The following IKZF1 variants were observed in gnomAD, a reference collection of about 807,000 sequenced individuals.
IKZF1 encodes IKAROS family zinc finger 1, also known as DNA-binding protein Ikaros.
A neutral mutation model predicts 51.7 loss-of-function variants in IKZF1; 10 were observed. The observed-to-expected ratio is 0.19, with a 90% CI of 0.12 to 0.33. The LOEUF is 0.33. Ranked by LOEUF, IKZF1 falls within the 10% of genes least tolerant of loss-of-function variation. The pLI, the probability that IKZF1 is intolerant of heterozygous loss-of-function variation, is 1.00. For missense variants in IKZF1, 484 were observed against 707.5 expected, an observed-to-expected ratio of 0.68 and a Z score of 3.58; for synonymous variants, 280 against 282.3, an observed-to-expected ratio of 0.99 and a Z score of 0.08.
At chr7:50,330,518 A>G (rs1179089780) in intron 3 of IKZF1, among the ~76,000 whole-genome samples, 1 of 152,178 alleles carries the variant, frequency 6.6e-6, no homozygotes, top group Non-Finnish European at 1.5e-5. Context: ...GGATTCCACA[A>G]GACCGAAGTG....
At chr7:50,386,940 A>G (rs1813541704) in intron 5 of IKZF1, among the ~76,000 whole-genome samples, 1 of 152,218 alleles carries the variant, frequency 6.6e-6, no homozygotes, top group Admixed American at 6.5e-5. Context: ...CACAGCATAG[A>G]CTGAGGCCTA....
At chr7:50,381,923 G>C (rs892528598) in intron 4 of IKZF1, among the ~76,000 whole-genome samples, 1 of 151,810 alleles carries the variant, frequency 6.6e-6, no homozygotes, top group Non-Finnish European at 1.5e-5. Flanking sequence ...TCATCCTCAC[G>C]CTCTCTGTCT....
chr7:50,367,946 T>A, intron 3 of IKZF1: 1 of 619,972 alleles, frequency 1.6e-6, no homozygotes, highest in Non-Finnish European at 2.9e-6. Flanking sequence ...TCTGTTAAAC[T>A]CTGACTATAC....
chr7:50,339,756 A>AAAAG (rs1218517768), intron 3 of IKZF1, among the ~76,000 whole-genome samples: 2 of 152,076 alleles, frequency 1.3e-5, no homozygotes, highest in African/African-American at 2.4e-5. Context: ...CAAAAAAAAA[A>AAAAG]AAAGAAAGAA....
intron 1 of IKZF1, among the ~76,000 whole-genome samples, chr7:50,307,968 T>C (rs1463037416): frequency 6.6e-6 from 1 of 152,214 alleles, no homozygotes; most frequent in Non-Finnish European, 1.5e-5. Context: ...CATGGCTTTC[T>C]TGTATTTCTT....
chr7:50,398,190 C>T (rs756175549), intron 7 of IKZF1, among the ~76,000 whole-genome samples: 1 of 152,232 alleles, frequency 6.6e-6, no homozygotes, highest in South Asian at 2.1e-4. Context: ...CCATAACCTG[C>T]ACATTGGGGA....
At chr7:50,308,606 G>A (rs1207674055) in intron 1 of IKZF1, 1 of 152,200 alleles carries the variant, frequency 6.6e-6, no homozygotes. Flanking sequence ...ACTCGTTTTG[G>A]TTAGGACAGG....
At chr7:50,325,079 G>A (rs1161990675) in intron 2 of IKZF1, among the ~76,000 whole-genome samples, 1 of 152,098 alleles carries the variant, frequency 6.6e-6, no homozygotes, top group Non-Finnish European at 1.5e-5. Context: ...GGGATAGCAT[G>A]TCAGGCCAGA....
In IKZF1 at chr7:50,379,580, T is replaced by C. The variant is rs373050980; in HGVS notation, c.421+2787T>C. ...AGAGAGGTAGGAAGGAAGCAGGAAA[T>C]GCAGGGTGCAAATACACCACATTAT... On this transcript the variant is annotated intron_variant, in intron 4 of 7. Transcript: ENST00000331340. 5.3e-5 allele frequency among the ~76,000 whole-genome samples: 8 copies of C among 152,156 alleles called. No individual in the cohort carries two copies. The East Asian group carries it at 1.3e-3, about 26-fold the overall frequency.
intron 3 of IKZF1, among the ~76,000 whole-genome samples, chr7:50,372,605 TC>T (rs1262799821): frequency 2.6e-5 from 4 of 152,244 alleles, no homozygotes; most frequent in African/African-American, 9.6e-5. Context: ...GTCTGCATAC[TC>T]TTTTTTAGAA....
rs1260165292 is a variant in IKZF1 at position 50,391,145 on chromosome 7, C to A, written c.716-584C>A. On this transcript the variant is annotated intron_variant, in intron 6 of 7. Transcript: ENST00000331340. ...GAAATGGCCCACACATCAGCATTTACCTCCATAATTTCTAAATTTTCTACA... is the reference window on the plus strand; with the variant it reads ...GAAATGGCCCACACATCAGCATTTAACTCCATAATTTCTAAATTTTCTACA... 2.0e-5 allele frequency among the ~76,000 whole-genome samples: 3 copies of A among 152,262 alleles called. No individual in the cohort carries two copies. In the East Asian group the frequency reaches 5.8e-4, roughly 29 times the overall value.
intron 3 of IKZF1, among the ~76,000 whole-genome samples, chr7:50,355,063 G>A (rs2153435996): frequency 6.6e-6 from 1 of 152,196 alleles, no homozygotes; most frequent in South Asian, 2.1e-4. Context: ...TGGGTCTTGG[G>A]GGAAGGTGGA....
At chr7:50,365,237 A>G (rs929567985) in intron 3 of IKZF1, among the ~76,000 whole-genome samples, 3 of 152,248 alleles carry the variant, frequency 2.0e-5, no homozygotes, top group Non-Finnish European at 2.9e-5. Flanking sequence ...TCCAGCTAGA[A>G]TAGTACACAC....
intron 3 of IKZF1, among the ~76,000 whole-genome samples, chr7:50,348,872 A>G (rs1479582912): frequency 1.3e-5 from 2 of 152,174 alleles, no homozygotes; most frequent in African/African-American, 4.8e-5. Flanking sequence ...GCCGTGGGGC[A>G]GTTTATGTTA....
At chr7:50,337,524 C>T (rs973723158) in intron 3 of IKZF1, among the ~76,000 whole-genome samples, 2 of 152,176 alleles carry the variant, frequency 1.3e-5, no homozygotes, top group Admixed American at 6.5e-5. Context: ...ATAGCAGCAA[C>T]GTCACCACTC....
At chr7:50,372,606 C>A (rs899278035) in intron 3 of IKZF1, among the ~76,000 whole-genome samples, 1 of 152,206 alleles carries the variant, frequency 6.6e-6, no homozygotes, top group African/African-American at 2.4e-5. Flanking sequence ...TCTGCATACT[C>A]TTTTTTAGAA....
chr7:50,320,300 C>T (rs73112996), intron 2 of IKZF1, among the ~76,000 whole-genome samples: 12,926 of 151,662 alleles, frequency 0.085, 768 homozygotes, highest in Non-Finnish European at 0.13. Flanking sequence ...TTTTTTTAAT[C>T]GTCACAAAAT....
rs2153468172 is a variant in IKZF1 at position 50,376,500 on chromosome 7, A to C, written c.161-33A>C. 6.2e-7 allele frequency: 1 copy of C among 1,602,176 alleles called. No homozygotes were observed. Among genetic ancestry groups the C allele is most frequent in the Non-Finnish European group, 8.5e-7 (1 of 1,173,732 alleles). ...TTTGTTGAGTTTTTTTTTTGCAATGACACTGAGTGGCCTCCTGTATTGTTT... is the reference window on the plus strand; with the variant it reads ...TTTGTTGAGTTTTTTTTTTGCAATGCCACTGAGTGGCCTCCTGTATTGTTT... On this transcript the variant is annotated intron_variant, in intron 3 of 7. Transcript: ENST00000331340. The surrounding 1 kb of genome is among the most constrained non-coding windows in gnomAD (Gnocchi z 4.5).
At chr7:50,352,482 A>T (rs1802102977) in intron 3 of IKZF1, among the ~76,000 whole-genome samples, 1 of 152,164 alleles carries the variant, frequency 6.6e-6, no homozygotes, top group African/African-American at 2.4e-5. Context: ...CTTTTGGTTG[A>T]TTACCTCAGA....
Sources: allele counts gnomAD v4.1 joint callset (sites outside exome capture counted in the v4.1 genomes callset), GRCh38; gene constraint gnomAD v4.1.1; non-coding constraint Gnocchi (gnomAD v3.1); transcripts MANE v1.5; gene names NCBI Gene and HGNC (gene_info 2026-07-23, HGNC 2026-07-21).